FAT3: variants seen among roughly 807,000 people sequenced by gnomAD.
FAT3 encodes the protein FAT atypical cadherin 3, also known as protocadherin Fat 3.
Under a neutral mutation model 310.2 loss-of-function variants are expected in FAT3, and 95 were observed. The observed-to-expected ratio is 0.31, with a 90% CI of 0.26 to 0.36. FAT3 has a LOEUF of 0.36. Ranked by LOEUF, FAT3 falls within the 10% of genes least tolerant of loss-of-function variation. The pLI is 1.00. For synonymous variants in FAT3, 2,314 were observed against 2,192.9 expected (o/e 1.06, Z -1.54); for missense variants, 5,408 against 5,715.6 (o/e 0.95, Z 1.74).
chr11:92,733,730 G>A (rs1050410605), intron 4 of FAT3, among the ~76,000 whole-genome samples: 2 of 151,944 alleles, frequency 1.3e-5, no homozygotes, highest in African/African-American at 4.8e-5. Context: ...GATGCAAGGG[G>A]GGCAAAAAAG....
chr11:92,818,295 CA>C (rs528926288), intron 13 of FAT3, among the ~76,000 whole-genome samples: 95 of 139,468 alleles, frequency 6.8e-4, no homozygotes, highest in South Asian at 9.1e-4. Context: ...GCCTCAAAAG[CA>C]AAAAAAAAAA....
chr11:92,366,813 C>A, intron 2 of FAT3: 1 of 533,516 alleles, frequency 1.9e-6, no homozygotes, highest in Non-Finnish European at 3.8e-6. Context: ...AGCTGATCTT[C>A]AGTGAGGTCT....
At chr11:92,844,800 A>T in intron 19 of FAT3, 68 bp downstream of exon 19, 1 of 1,405,064 alleles carries the variant, frequency 7.1e-7, no homozygotes, top group African/African-American at 1.4e-5. Flanking sequence ...TTACCATTCC[A>T]GCATGCCTGC....
chr11:92,231,458 A>G (rs552813919), intron 1 of FAT3, among the ~76,000 whole-genome samples: 21 of 152,256 alleles, frequency 1.4e-4, no homozygotes, highest in Admixed American at 5.2e-4. Flanking sequence ...ATTTCAGTTA[A>G]TTCTTTCTTT....
chr11:92,319,958 T>G (rs548134067), intron 1 of FAT3, among the ~76,000 whole-genome samples: 1 of 152,310 alleles, frequency 6.6e-6, no homozygotes, highest in South Asian at 2.1e-4. Flanking sequence ...GTAAAGGAAG[T>G]AAGCAAGTTT....
chr11:92,621,904 G>A (rs991456963), intron 3 of FAT3, among the ~76,000 whole-genome samples: 2 of 152,224 alleles, frequency 1.3e-5, no homozygotes, highest in Non-Finnish European at 1.5e-5. Context: ...TCAGATTTTG[G>A]CACAGTGGCT....
At chr11:92,447,175 ATG>A (rs1491417881) in intron 2 of FAT3, among the ~76,000 whole-genome samples, 8 of 151,720 alleles carry the variant, frequency 5.3e-5, no homozygotes, top group East Asian at 1.9e-4. Flanking sequence ...ATGTGTACAT[ATG>A]TGTGTGTATA....
chr11:92,500,399 A>G (rs1250535335), intron 2 of FAT3, among the ~76,000 whole-genome samples: 2 of 151,976 alleles, frequency 1.3e-5, no homozygotes, highest in East Asian at 1.9e-4. Context: ...AAATACCTGT[A>G]TTTATCAGGA....
chr11:92,504,486 C>A (rs947163359), intron 2 of FAT3, among the ~76,000 whole-genome samples: 2 of 152,094 alleles, frequency 1.3e-5, no homozygotes, highest in African/African-American at 4.8e-5. Flanking sequence ...AGGAAACATG[C>A]AAATGACTGA....
At chr11:92,437,176 CCTT>C (rs949736001) in intron 2 of FAT3, among the ~76,000 whole-genome samples, 1 of 152,130 alleles carries the variant, frequency 6.6e-6, no homozygotes, top group Non-Finnish European at 1.5e-5. Context: ...AAACTCTCAT[CCTT>C]CTTTTGAAGG....
chr11:92,307,560 A>G (rs1486983137), intron 1 of FAT3, among the ~76,000 whole-genome samples: 1 of 152,176 alleles, frequency 6.6e-6, no homozygotes, highest in Non-Finnish European at 1.5e-5. Context: ...TGTAAACAGC[A>G]TCTAATACTT....
At chr11:92,500,296 A>C (rs1484721031) in intron 2 of FAT3, among the ~76,000 whole-genome samples, 1 of 152,052 alleles carries the variant, frequency 6.6e-6, no homozygotes, top group Non-Finnish European at 1.5e-5. Flanking sequence ...AATTTAATTT[A>C]ATTTCAGATA....
intron 3 of FAT3, among the ~76,000 whole-genome samples, chr11:92,570,061 G>A (rs1955617206): frequency 6.6e-6 from 1 of 152,176 alleles, no homozygotes; most frequent in Non-Finnish European, 1.5e-5. Flanking sequence ...TGAGGTCAGT[G>A]TTTATTTGAC....
Position 92,447,593 on chromosome 11 carries a change from A to G in FAT3, c.3293-77041A>G, listed in dbSNP as rs1008207749. On this transcript the variant is annotated intron_variant, in intron 2 of 27. Transcript: ENST00000525166. ...TTGTACAAAGTAAGGTAACACCTGT[A>G]TATTTGAGGACAATGATGGTAACAG... Among the ~76,000 whole-genome samples, 4 of 152,252 alleles carry G rather than the reference A, an allele frequency of 2.6e-5. No homozygotes were observed. In the South Asian group the frequency reaches 8.3e-4, roughly 32 times the overall value.
At chr11:92,885,949 G>T (rs910968010) in intron 24 of FAT3, among the ~76,000 whole-genome samples, 6 of 152,168 alleles carry the variant, frequency 3.9e-5, no homozygotes, top group African/African-American at 1.4e-4. Flanking sequence ...GAGCCACCAT[G>T]CCTGTTCCTG....
intron 4 of FAT3, among the ~76,000 whole-genome samples, chr11:92,723,937 T>G (rs553898560): frequency 3.9e-5 from 6 of 152,274 alleles, no homozygotes; most frequent in Admixed American, 3.9e-4. Flanking sequence ...AATCATCAGG[T>G]ATTTATTGAG....
chr11:92,470,297 G>A (rs1951872874), intron 2 of FAT3, among the ~76,000 whole-genome samples: 2 of 152,194 alleles, frequency 1.3e-5, no homozygotes, highest in Admixed American at 1.3e-4. Context: ...AGACTTTGGG[G>A]TCAAGGTGTT....
chr11:92,380,203 G>C (rs1309361201), intron 2 of FAT3, among the ~76,000 whole-genome samples: 1 of 152,024 alleles, frequency 6.6e-6, no homozygotes. Context: ...CTCACCACAT[G>C]ACTGAGTGTC....
chr11:92,371,719 C>G (rs1194616533), intron 2 of FAT3, among the ~76,000 whole-genome samples: 6 of 151,996 alleles, frequency 3.9e-5, no homozygotes, highest in Non-Finnish European at 5.9e-5. Flanking sequence ...TCTGTACACC[C>G]CTCCCTGCCC....
Sources: gnomAD v4.1 joint callset for allele counts (sites outside exome capture counted in the v4.1 genomes callset) on GRCh38, gnomAD v4.1.1 for gene constraint, MANE v1.5 for transcripts, NCBI Gene and HGNC (gene_info 2026-07-23, HGNC 2026-07-21) for gene names.